The following SEC16A variants were observed in gnomAD, a reference collection of about 807,000 sequenced individuals.
SEC16A encodes SEC16 homolog A, endoplasmic reticulum export factor, also known as protein transport protein Sec16A.
In SEC16A, 110 loss-of-function variants were observed where a neutral mutation model predicts 221.9. That is an observed-to-expected ratio of 0.50 (90% CI 0.42 to 0.58). The LOEUF (loss-of-function observed/expected upper bound fraction) is 0.58, where lower values mean the gene tolerates loss of function less well. SEC16A is among the 20% of genes least tolerant of loss of function. The pLI, the probability that SEC16A is intolerant of heterozygous loss-of-function variation, is 0.00. For missense variants in SEC16A, 3,165 were observed against 3,097.8 expected (o/e 1.02, Z -0.52); for synonymous variants, 1,393 against 1,257.7 (o/e 1.11, Z -2.28).
rs375358474 is a variant in SEC16A at position 136,441,865 on chromosome 9, C to T, written c.7006-42G>A. The T allele has an allele frequency of 2.8e-5, 43 of 1,560,656 alleles. No homozygotes were observed. In the South Asian group the frequency reaches 3.4e-4, roughly 13 times the overall value. On this transcript the variant is annotated intron_variant, in intron 31 of 31. Coordinates refer to ENST00000684901, the MANE Select transcript of SEC16A (RefSeq NM_014866.2). ...AGCATGACCTCTGCATGCCTGCCCC[C>T]AGGGTGAGCAGTGCTCGGCTGCAGC...
rs1207100235 is a variant in SEC16A, at chr9:136,459,152, G to A, written c.5391C>T (p.Cys1797=). ...EYAQSLGAET[C]PLPSFQVFKF... ...TGCTTACCTGGAAACTAGGCAGGGGGCAGGTCTCGGCACCCAGGGACTGGG... is the reference window on the plus strand; with the variant it reads ...TGCTTACCTGGAAACTAGGCAGGGGACAGGTCTCGGCACCCAGGGACTGGG... Residue 1797 remains cysteine, a synonymous_variant, in exon 17 of 32, where the codon TGC becomes TGT. Transcript: ENST00000684901. This position sits in a 1 kb window ranked among gnomAD's most constrained non-coding sequence, Gnocchi z 6.1. The A allele has an allele frequency of 5.0e-6, 8 of 1,611,434 alleles. No homozygotes were observed. Among genetic ancestry groups the A allele is most frequent in the Admixed American group, 1.7e-5 (1 of 59,744 alleles).
intron 23 of SEC16A, among the ~76,000 whole-genome samples, chr9:136,449,743 G>A (rs1053060263): frequency 1.3e-5 from 2 of 152,226 alleles, no homozygotes; most frequent in African/African-American, 2.4e-5. Flanking sequence ...CTGTCCCGGG[G>A]AGGCCTGTGA....
In SEC16A at chr9:136,453,433, T is replaced by C; in HGVS notation, c.6154A>G (p.Asn2052Asp). 1 of 1,612,532 alleles carries C rather than the reference T, an allele frequency of 6.2e-7. No homozygotes were observed. The highest frequency in any genetic ancestry group is 8.5e-7 in the Non-Finnish European group (1 of 1,178,666). The change falls in exon 22 of 32, where the codon AAT becomes GAT. Residue 2052 changes from asparagine (N) to aspartate (D), a missense_variant. Physicochemically the swap from Asn to Asp is conservative, Grantham distance 23. Transcript: ENST00000684901. ...SEENFDGKFA[N>D]LTPSRTVPDS... ...AAGAAAATGTGACAAAGTACCAGAT[T>C]AGCAAATTTTCCATCAAAATTTTCT...
Position 136,445,070 on chromosome 9 carries a change from C to T in SEC16A, c.6909G>A (p.Val2303=). 1 of 1,607,220 alleles carries T rather than the reference C, an allele frequency of 6.2e-7. No individual in the cohort carries two copies. The highest frequency in any genetic ancestry group is 8.5e-7 in the Non-Finnish European group (1 of 1,177,028). The change falls in exon 30 of 32, where the codon GTG becomes GTA. Residue 2303 remains valine, a synonymous_variant. Transcript: ENST00000684901. Reference sequence around the variant, plus strand: ...CAGGTACCTGATTAAAATGCTGGCTCACTTCACGTGATAATGAACTCATTG... The same window carrying T: ...CAGGTACCTGATTAAAATGCTGGCTTACTTCACGTGATAATGAACTCATTG... ...CSSMSSLSRE[V]SQHFNQAPGD...
At position 136,466,581 on chromosome 9, in the gene SEC16A, C is replaced by G; in HGVS notation, c.3930-119G>C. On this transcript the variant is annotated intron_variant, in intron 6 of 31. Transcript: ENST00000684901. This position sits in a 1 kb window ranked among gnomAD's most constrained non-coding sequence, Gnocchi z 5.5. ...CCCCTGGGGCCGAGGCACAACACAG[C>G]ACACCCGACACTCAGGGCCCTCTGA... 1 of 882,034 alleles carries G rather than the reference C, an allele frequency of 1.1e-6. No homozygotes were observed. Among genetic ancestry groups the G allele is most frequent in the Non-Finnish European group, 1.7e-6 (1 of 589,502 alleles). The allele number at this position is 882,034 out of a possible 1,614,324, so 54.6% of individuals were successfully genotyped here.
chr9:136,458,661 C>T lies in SEC16A; in HGVS notation c.5409+473G>A, dbSNP rs574128104. Among the ~76,000 whole-genome samples the T allele has an allele frequency of 6.0e-5, 9 of 151,016 alleles. No homozygotes were observed. The South Asian group carries it at 6.3e-4, about 11-fold the overall frequency. Reference sequence around the variant, plus strand: ...AAAAAAAGCTCATACAGGCTAGGTGCGGTGGCTCACGCCTGTAATCCCAAC... The same window carrying T: ...AAAAAAAGCTCATACAGGCTAGGTGTGGTGGCTCACGCCTGTAATCCCAAC... On this transcript the variant is annotated intron_variant, in intron 17 of 31. Transcript: ENST00000684901.
chr9:136,464,335 T>C, intron 9 of SEC16A, 85 bp downstream of exon 9: 1 of 1,312,044 alleles, frequency 7.6e-7, no homozygotes. Context: ...AGACAAGGTC[T>C]GACAATTGAA....
intron 9 of SEC16A, among the ~76,000 whole-genome samples, chr9:136,464,179 G>A (rs1839865192): frequency 6.6e-6 from 1 of 151,068 alleles, no homozygotes; most frequent in Non-Finnish European, 1.5e-5. Flanking sequence ...GACAGAAAAT[G>A]CATATACAAT....
intron 5 of SEC16A, 88 bp from the exon 6 acceptor site, chr9:136,467,171 A>T: frequency 6.7e-7 from 1 of 1,495,126 alleles, no homozygotes; most frequent in Non-Finnish European, 9.2e-7. Flanking sequence ...CCACCCCAGG[A>T]CTTTATGCTC....
At chr9:136,463,433 G>A (rs1046296556) in intron 11 of SEC16A, 30 bp downstream of exon 11, 23 of 1,604,622 alleles carry the variant, frequency 1.4e-5, no homozygotes, top group Non-Finnish European at 2.0e-5. Context: ...CCAGCAAGAA[G>A]AAACACTCTA....
intron 1 of SEC16A, among the ~76,000 whole-genome samples, chr9:136,482,710 C>G (rs1185514745): frequency 1.3e-5 from 2 of 152,196 alleles, no homozygotes; most frequent in Non-Finnish European, 2.9e-5. Flanking sequence ...GTCAGTCCCT[C>G]GAGTCCCACG....
chr9:136,459,607 T>C lies in SEC16A; in HGVS notation c.5192-52A>G. 3.4e-6 allele frequency: 5 copies of C among 1,464,046 alleles called. No individual in the cohort carries two copies. In the East Asian group the frequency reaches 1.2e-4, roughly 36 times the overall value. The allele number at this position is 1,464,046 out of a possible 1,614,324, so 90.7% of individuals were successfully genotyped here. On this transcript the variant is annotated intron_variant, in intron 15 of 31. Transcript: ENST00000684901. The surrounding 1 kb of genome is among the most constrained non-coding windows in gnomAD (Gnocchi z 6.1). ...CGGGGGCTCAGCGACCGGGAGCGCTTGCAGAAGTCAAGGACGCGCACAGAA... is the reference window on the plus strand; with the variant it reads ...CGGGGGCTCAGCGACCGGGAGCGCTCGCAGAAGTCAAGGACGCGCACAGAA...
Position 136,463,681 on chromosome 9 carries a change from G to T in SEC16A, c.4506C>A (p.Ala1502=), listed in dbSNP as rs369165771. 11 of 1,613,268 alleles carry T rather than the reference G, an allele frequency of 6.8e-6. No homozygotes were observed. In the Admixed American group the frequency reaches 8.3e-5, roughly 12 times the overall value. Residue 1502 remains alanine (A), a splice_region_variant and synonymous_variant, in exon 10 of 32, where the codon GCC becomes GCA. Coordinates refer to ENST00000684901, the MANE Select transcript of SEC16A (RefSeq NM_014866.2). ...AAATGCCTCAACAAGGAACATACTT[G>T]GCCAGGGGTCCCGGGAACGCCCGCA... The part of the protein sequence containing the change: ...EEMRAFPGPL[A]KDDTHKVDVI...
At chr9:136,453,618 AC>A in intron 21 of SEC16A, 108 bp from the exon 22 acceptor site, 1 of 824,768 alleles carries the variant, frequency 1.2e-6, no homozygotes. Context: ...CTACCGCCAC[AC>A]CAGCATGATC....
At chr9:136,483,790 C>G, upstream of SEC16A, 2 of 985,464 alleles carry the variant, frequency 2.0e-6, no homozygotes, top group Non-Finnish European at 2.4e-6. Flanking sequence ...GGCTGGAGGG[C>G]AGGCGGCGGC....
rs1462222424 is a variant in SEC16A at position 136,441,672 on chromosome 9, A to ACGGAGATCG, written c.*74_*82dup. The stretch of plus-strand genomic sequence containing the variant: ...ACTGCTGTGTCTCCCTGGGGGCGGG[A>ACGGAGATCG]CGGAGATCGCGGAGGTCGGTCGGGT... On this transcript the variant is annotated 3_prime_UTR_variant, in exon 32 of 32. Coordinates refer to ENST00000684901, the MANE Select transcript of SEC16A (RefSeq NM_014866.2). 1 of 1,241,992 alleles carries ACGGAGATCG rather than the reference A, an allele frequency of 8.1e-7. No individual in the cohort carries two copies. Among genetic ancestry groups the ACGGAGATCG allele is most frequent in the East Asian group, 2.4e-5 (1 of 42,072 alleles). 76.9% of individuals were successfully genotyped at this position (1,241,992 alleles called of 1,614,324 possible). A position where few individuals can be genotyped will look rare whatever the true frequency, so the allele number is the denominator to read the frequency against.
chr9:136,462,910 G>T lies in SEC16A; in HGVS notation c.4870C>A (p.Leu1624Met), dbSNP rs1466324650. The T allele has an allele frequency of 3.1e-6, 5 of 1,602,092 alleles. No homozygotes were observed. In the South Asian group the frequency reaches 5.5e-5, roughly 18 times the overall value. Residue 1624 changes from leucine to methionine, a missense_variant, in exon 12 of 32, where the codon CTG becomes ATG. Coordinates refer to ENST00000684901, the MANE Select transcript of SEC16A (RefSeq NM_014866.2). ...ACCTTCTTACGGCCATACAGCAACA[G>T]CTCCCTGAACCTCTCGGTCTCTCTC... ...LERETERFRE[L>M]LLYGRKKDAL...
chr9:136,455,984 G>T (rs1250280159), intron 19 of SEC16A, 69 bp downstream of exon 19: 2 of 1,317,886 alleles, frequency 1.5e-6, no homozygotes, highest in Non-Finnish European at 2.2e-6. Context: ...CATACTTTCA[G>T]TGTGGAAATG....
chr9:136,460,234 G>C, intron 13 of SEC16A, 111 bp from the exon 14 acceptor site: 1 of 775,724 alleles, frequency 1.3e-6, no homozygotes, highest in Admixed American at 2.4e-5. Flanking sequence ...AGGCCAAAGT[G>C]GGCGGATCAC....
Sources: allele counts gnomAD v4.1 joint callset (sites outside exome capture counted in the v4.1 genomes callset), GRCh38; gene constraint gnomAD v4.1.1; non-coding constraint Gnocchi (gnomAD v3.1); transcripts MANE v1.5; gene names NCBI Gene and HGNC (gene_info 2026-07-23, HGNC 2026-07-21).